The following GGT5 variants were observed in gnomAD, a reference collection of about 807,000 sequenced individuals.
GGT5 encodes the protein glutathione hydrolase 5 proenzyme.
In GGT5, 50 loss-of-function variants were observed where a neutral mutation model predicts 58.1. The ratio of observed to expected loss-of-function variants is 0.86; its 90% CI spans 0.69 to 1.09. The LOEUF (loss-of-function observed/expected upper bound fraction) is 1.09, where lower values mean the gene tolerates loss of function less well. Ranked by LOEUF, GGT5 falls within the 50% of genes least tolerant of loss-of-function variation. GGT5 has a pLI of 0.00. For synonymous variants in GGT5, 370 were observed against 346.1 expected, an observed-to-expected ratio of 1.07 and a Z score of -0.77; for missense variants, 800 against 789.4, an observed-to-expected ratio of 1.01 and a Z score of -0.16.
chr22:24,221,408 G>A (rs2148879933), intron 11 of GGT5, among the ~76,000 whole-genome samples: 1 of 151,714 alleles, frequency 6.6e-6, no homozygotes, highest in South Asian at 2.1e-4. Flanking sequence ...GCACCATCCA[G>A]ATCGATTAAC....
chr22:24,228,048 C>CAAAAAAAA (rs1273239063), intron 6 of GGT5, among the ~76,000 whole-genome samples: 16 of 22,052 alleles, frequency 7.3e-4, no homozygotes, highest in South Asian at 2.1e-3. Context: ...GACTCTGTCT[C>CAAAAAAAA]AAAAAAAAAA....
Position 24,226,158 on chromosome 22 carries a change from C to G in GGT5, c.1147G>C (p.Gly383Arg). 6.2e-7 allele frequency: 1 copy of G among 1,611,302 alleles called. No individual in the cohort carries two copies. The highest frequency in any genetic ancestry group is 1.7e-5 in the Admixed American group (1 of 59,972). The change falls in exon 8 of 12, where the codon GGC (glycine) becomes CGC (arginine). Residue 383 changes from glycine to arginine, a missense_variant. Transcript: ENST00000327365. The part of the protein sequence containing the change: ...LSHYSLAEAW[G>R]HGTGTSHVSV... ...ACATGGGACGTGCCTGTCCCGTGGCCCCAGGCCTCGGCCAAGCTGTAGTGG... is the reference window on the plus strand; with the variant it reads ...ACATGGGACGTGCCTGTCCCGTGGCGCCAGGCCTCGGCCAAGCTGTAGTGG...
intron 6 of GGT5, among the ~76,000 whole-genome samples, chr22:24,230,550 A>T (rs968370197): frequency 6.6e-6 from 1 of 151,976 alleles, no homozygotes; most frequent in African/African-American, 2.4e-5. Flanking sequence ...AGAGCAAGAC[A>T]CCGTCTCAAT....
intron 11 of GGT5, among the ~76,000 whole-genome samples, chr22:24,221,797 C>T (rs1006423268): frequency 5.9e-5 from 9 of 152,142 alleles, no homozygotes; most frequent in African/African-American, 1.7e-4. Context: ...GGAGCCACCG[C>T]GCGCAGCCAA....
In GGT5 at chr22:24,225,124, G is replaced by A. The variant is rs369769344; in HGVS notation, c.1504-18C>T. On this transcript the variant is annotated intron_variant, in intron 10 of 11. Coordinates refer to ENST00000327365, the MANE Select transcript of GGT5 (RefSeq NM_004121.5). Reference sequence around the variant, plus strand: ...ATGATGGCCTGGGGGAGAGATGAGGGTTTCAGGGAGAAAGGGGGCACCCTG... The same window carrying A: ...ATGATGGCCTGGGGGAGAGATGAGGATTTCAGGGAGAAAGGGGGCACCCTG... 6.3e-7 allele frequency: 1 copy of A among 1,594,068 alleles called. No homozygotes were observed. The highest frequency in any genetic ancestry group is 1.1e-5 in the South Asian group (1 of 89,720).
At chr22:24,242,273 A>C (rs2148955251) in intron 1 of GGT5, 2 of 152,354 alleles carry the variant, frequency 1.3e-5, no homozygotes, top group South Asian at 2.1e-4. Flanking sequence ...CGGCTGTAGC[A>C]GAATCCCAAG....
chr22:24,223,270 C>T (rs1299537016), intron 11 of GGT5, among the ~76,000 whole-genome samples: 1 of 151,818 alleles, frequency 6.6e-6, no homozygotes, highest in African/African-American at 2.4e-5. Context: ...GGTGTGGTGG[C>T]GCACATGTGT....
intron 1 of GGT5, chr22:24,241,755 A>G (rs2048333032): frequency 6.6e-6 from 1 of 151,680 alleles, no homozygotes; most frequent in African/African-American, 2.4e-5. Context: ...TATAAAACAT[A>G]TAATTATAGA....
In GGT5 at chr22:24,233,972, T is replaced by A. The variant is rs2048027060; in HGVS notation, c.206A>T (p.Asp69Val). ...AILQQQGSPV[D>V]ATIAALVCTS... ...GCAGACCAGAGCCGCGATGGTGGCA[T>A]CCACGGGTGAGCCCTGCTGCTGGAG... Residue 69 changes from aspartate (D) to valine (V), a missense_variant, in exon 2 of 12, where the codon GAT becomes GTT. By Grantham distance (152) the Asp-to-Val change is radical. Coordinates refer to ENST00000327365, the MANE Select transcript of GGT5 (RefSeq NM_004121.5). 1.9e-6 allele frequency: 3 copies of A among 1,613,164 alleles called. No individual in the cohort carries two copies. The South Asian group carries it at 3.3e-5, about 18-fold the overall frequency.
chr22:24,229,475 A>G (rs1374461775), intron 6 of GGT5, among the ~76,000 whole-genome samples: 1 of 152,006 alleles, frequency 6.6e-6, no homozygotes, highest in South Asian at 2.1e-4. Flanking sequence ...AATGAGGGAT[A>G]AAAGACTACA....
chr22:24,244,434 CCAGA>C, intron 1 of GGT5, 115 bp downstream of exon 1: 2 of 855,920 alleles, frequency 2.3e-6, no homozygotes, highest in Non-Finnish European at 3.8e-6. Context: ...TCACACATAC[CCAGA>C]CACTCACACA....
At chr22:24,222,972 G>C (rs1051926298) in intron 11 of GGT5, among the ~76,000 whole-genome samples, 9 of 146,042 alleles carry the variant, frequency 6.2e-5, no homozygotes, top group Non-Finnish European at 1.3e-4. Flanking sequence ...AGCTACTTGG[G>C]AGGATGAGGC....
At chr22:24,233,743 C>G in intron 2 of GGT5, 131 bp downstream of exon 2, 1 of 967,522 alleles carries the variant, frequency 1.0e-6, no homozygotes, top group Non-Finnish European at 1.6e-6. Context: ...ACAGCTGAGG[C>G]AAATGGGGCA....
chr22:24,224,949 G>C (rs1213550835), intron 11 of GGT5, 47 bp downstream of exon 11: 3 of 1,261,344 alleles, frequency 2.4e-6, no homozygotes, highest in Non-Finnish European at 3.4e-6. Flanking sequence ...GCACGGATTT[G>C]GGGAGTGGGC....
chr22:24,244,463 C>T (rs2048416888), intron 1 of GGT5, 90 bp downstream of exon 1: 2 of 1,103,930 alleles, frequency 1.8e-6, no homozygotes, highest in Non-Finnish European at 2.7e-6. Context: ...CCCACACATA[C>T]ATTCACTCAC....
chr22:24,222,964 C>G (rs2047642949), intron 11 of GGT5, among the ~76,000 whole-genome samples: 1 of 152,158 alleles, frequency 6.6e-6, no homozygotes, highest in Non-Finnish European at 1.5e-5. Flanking sequence ...GTAGTCCCAG[C>G]TACTTGGGAG....
At chr22:24,229,657 C>A (rs923875084) in intron 6 of GGT5, among the ~76,000 whole-genome samples, 3 of 151,338 alleles carry the variant, frequency 2.0e-5, no homozygotes, top group Non-Finnish European at 4.4e-5. Flanking sequence ...CATGGTGAAA[C>A]CCCATCTCTA....
chr22:24,235,952 T>G (rs771931844), intron 1 of GGT5, among the ~76,000 whole-genome samples: 6 of 152,156 alleles, frequency 3.9e-5, no homozygotes, highest in Non-Finnish European at 5.9e-5. Context: ...GGTCTCCTGA[T>G]GTTGGGGGCC....
rs2047829885 is a variant in GGT5, at chr22:24,228,081, A to AAAAAAAAC, written c.902-1315_902-1314insGTTTTTTT. Among the ~76,000 whole-genome samples the AAAAAAAAC allele has an allele frequency of 6.1e-5, 9 of 147,070 alleles. 1 individual carries two copies. Among genetic ancestry groups the AAAAAAAAC allele is most frequent in the African/African-American group, 2.0e-4 (8 of 39,724 alleles). ...AAAAAAAAAAACAAAACAAAAAAAA[A>AAAAAAAAC]AAAACTCTGAAAAATAGAGCCAGGG... On this transcript the variant is annotated intron_variant, in intron 6 of 11. Coordinates refer to ENST00000327365, the MANE Select transcript of GGT5 (RefSeq NM_004121.5).
Sources: gnomAD v4.1 joint callset for allele counts (sites outside exome capture counted in the v4.1 genomes callset) on GRCh38, gnomAD v4.1.1 for gene constraint, MANE v1.5 for transcripts, NCBI Gene and HGNC (gene_info 2026-07-23, HGNC 2026-07-21) for gene names.